The following SPON1 variants were observed in gnomAD, a reference collection of about 807,000 sequenced individuals.
The protein encoded by SPON1 is spondin 1.
A neutral mutation model predicts 111.7 loss-of-function variants in SPON1; 52 were observed. The ratio of observed to expected loss-of-function variants is 0.47; its 90% CI spans 0.37 to 0.59. The LOEUF is 0.59. SPON1 is among the 20% of genes least tolerant of loss of function. The pLI, the probability that SPON1 is intolerant of heterozygous loss-of-function variation, is 0.00. For missense variants in SPON1, 957 were observed against 1,068.5 expected, an observed-to-expected ratio of 0.90 and a Z score of 1.46; for synonymous variants, 410 against 395.8, an observed-to-expected ratio of 1.04 and a Z score of -0.43.
intron 3 of SPON1, among the ~76,000 whole-genome samples, chr11:14,042,663 C>T (rs541057188): frequency 2.6e-5 from 4 of 152,150 alleles, no homozygotes; most frequent in Admixed American, 1.3e-4. Context: ...TTTAAATCCT[C>T]GAAGGTCTTA....
intron 6 of SPON1, among the ~76,000 whole-genome samples, chr11:14,223,162 C>T (rs1236660725): frequency 2.6e-5 from 4 of 152,076 alleles, no homozygotes; most frequent in African/African-American, 9.7e-5. Flanking sequence ...GTTAGGAGTT[C>T]GAGACCAGCC....
chr11:14,045,219 T>C (rs926165186), intron 3 of SPON1, among the ~76,000 whole-genome samples: 5 of 152,178 alleles, frequency 3.3e-5, no homozygotes, highest in Non-Finnish European at 7.3e-5. Flanking sequence ...TTCATAAAGA[T>C]TGTGTGAATG....
chr11:14,028,993 T>C (rs924705988), intron 2 of SPON1, among the ~76,000 whole-genome samples: 2 of 152,194 alleles, frequency 1.3e-5, no homozygotes, highest in East Asian at 1.9e-4. Flanking sequence ...TATTGAGGAT[T>C]ACCCACCCCT....
At chr11:14,134,913 G>A (rs1418053019) in intron 5 of SPON1, 1 of 152,314 alleles carries the variant, frequency 6.6e-6, no homozygotes, top group Non-Finnish European at 1.5e-5. Flanking sequence ...CCCCTTGACA[G>A]TTTGTGACAC....
Position 14,257,825 on chromosome 11 carries a change from G to A in SPON1, c.1419G>A (p.Gln473=), listed in dbSNP as rs782577605. 3 of 1,605,182 alleles carry A rather than the reference G, an allele frequency of 1.9e-6. No individual in the cohort carries two copies. Among genetic ancestry groups the A allele is most frequent in the Middle Eastern group, 1.7e-4 (1 of 6,050 alleles). ...TGCGACAGCGCATGCTGAAAGCACA[G>A]CTGGACCTCAGCGTCCCCTGCCCTG... ...KRMRQRMLKA[Q]LDLSVPCPDT... Residue 473 remains glutamine (Q), a synonymous_variant, in exon 11 of 16, where the codon CAG becomes CAA. Coordinates refer to ENST00000576479, the MANE Select transcript of SPON1 (RefSeq NM_006108.4).
At chr11:14,233,768 T>C (rs1167533954) in intron 6 of SPON1, among the ~76,000 whole-genome samples, 1 of 144,454 alleles carries the variant, frequency 6.9e-6, no homozygotes, top group Admixed American at 6.9e-5. Flanking sequence ...CTTTTTTTTT[T>C]TTTTTTTTTT....
intron 2 of SPON1, among the ~76,000 whole-genome samples, chr11:14,012,074 A>G (rs908489661): frequency 2.0e-5 from 3 of 151,924 alleles, no homozygotes; most frequent in East Asian, 3.9e-4. Context: ...TGAGATACCA[A>G]CTCTTGGGAT....
chr11:14,208,896 G>A (rs1325707682), intron 6 of SPON1, among the ~76,000 whole-genome samples: 2 of 152,078 alleles, frequency 1.3e-5, no homozygotes, highest in African/African-American at 4.8e-5. Context: ...TTATAGTACT[G>A]TAGTACTAGT....
chr11:14,086,530 C>T (rs189886884), intron 5 of SPON1, among the ~76,000 whole-genome samples: 92 of 152,242 alleles, frequency 6.0e-4, no homozygotes, highest in Non-Finnish European at 6.2e-4. Context: ...TTTTGATGTG[C>T]TGCTGGATTT....
chr11:13,995,571 T>A (rs1431745106), intron 2 of SPON1, among the ~76,000 whole-genome samples: 2 of 152,082 alleles, frequency 1.3e-5, no homozygotes, highest in Non-Finnish European at 2.9e-5. Flanking sequence ...ACCGCCCCCA[T>A]GATCCAATCA....
At chr11:14,147,695 G>T (rs1554929473) in intron 6 of SPON1, among the ~76,000 whole-genome samples, 2 of 151,678 alleles carry the variant, frequency 1.3e-5, no homozygotes, top group African/African-American at 2.4e-5. Flanking sequence ...GGTATTATAG[G>T]CATGAGCCAC....
intron 3 of SPON1, among the ~76,000 whole-genome samples, chr11:14,063,455 C>T (rs1554920072): frequency 6.6e-6 from 1 of 152,028 alleles, no homozygotes; most frequent in Non-Finnish European, 1.5e-5. Flanking sequence ...TCCTTTCTTC[C>T]TTCCTTTCTT....
intron 5 of SPON1, among the ~76,000 whole-genome samples, chr11:14,091,187 T>C (rs1474723984): frequency 1.3e-5 from 2 of 152,140 alleles, no homozygotes; most frequent in Non-Finnish European, 2.9e-5. Context: ...AGGGTGCTGA[T>C]TGGTGTGTTT....
intron 5 of SPON1, among the ~76,000 whole-genome samples, chr11:14,114,469 G>C (rs1347680657): frequency 6.6e-6 from 1 of 152,130 alleles, no homozygotes; most frequent in Non-Finnish European, 1.5e-5. Context: ...ACTGGAACTT[G>C]GCCTGTTCCA....
At chr11:13,967,673 C>T (rs10450577) in intron 1 of SPON1, among the ~76,000 whole-genome samples, 36,448 of 152,062 alleles carry the variant, frequency 0.24, 4,822 homozygotes, top group East Asian at 0.45. Flanking sequence ...AAGATGAGGT[C>T]TTTTAAATAA....
chr11:14,215,633 G>A (rs1277448684), intron 6 of SPON1, among the ~76,000 whole-genome samples: 1 of 152,164 alleles, frequency 6.6e-6, no homozygotes, highest in Non-Finnish European at 1.5e-5. Context: ...ACATTCAAGG[G>A]GAGATAACAT....
chr11:14,120,010 G>A (rs371533259), intron 5 of SPON1, among the ~76,000 whole-genome samples: 7 of 152,150 alleles, frequency 4.6e-5, no homozygotes, highest in African/African-American at 1.4e-4. Flanking sequence ...GTGAAGTATA[G>A]TATACTTCCA....
chr11:14,040,542 A>T (rs560396980), intron 2 of SPON1, among the ~76,000 whole-genome samples: 24 of 152,320 alleles, frequency 1.6e-4, no homozygotes, highest in Admixed American at 5.9e-4. Context: ...CAGTGATAAA[A>T]TTATATGATA....
At chr11:14,202,329 G>A (rs1409217058) in intron 6 of SPON1, among the ~76,000 whole-genome samples, 1 of 152,236 alleles carries the variant, frequency 6.6e-6, no homozygotes, top group African/African-American at 2.4e-5. Context: ...TCATCTTGCA[G>A]TCATCGCCGT....
Sources: allele counts gnomAD v4.1 joint callset (sites outside exome capture counted in the v4.1 genomes callset), GRCh38; gene constraint gnomAD v4.1.1; transcripts MANE v1.5; gene names NCBI Gene and HGNC (gene_info 2026-07-23, HGNC 2026-07-21).